CDH12: variants seen among roughly 807,000 people sequenced by gnomAD.
The protein encoded by CDH12 is cadherin-12.
A neutral mutation model predicts 74.1 loss-of-function variants in CDH12; 41 were observed. That is an observed-to-expected ratio of 0.55 (90% CI 0.43 to 0.72). The LOEUF is 0.72. Ranked by LOEUF, CDH12 falls within the 30% of genes least tolerant of loss-of-function variation. The pLI, the probability that CDH12 is intolerant of heterozygous loss-of-function variation, is 0.00. For missense variants in CDH12, 945 were observed against 977.2 expected (o/e 0.97, Z 0.44); for synonymous variants, 399 against 355.0 (o/e 1.12, Z -1.39).
intron 6 of CDH12, among the ~76,000 whole-genome samples, chr5:21,915,512 G>A (rs1321979038): frequency 1.3e-5 from 2 of 152,164 alleles, no homozygotes; most frequent in African/African-American, 4.8e-5. Flanking sequence ...ATTCATTTCT[G>A]ATAAGATTGG....
chr5:22,457,407 CTCTTCCTCT>C (rs1029706486), intron 2 of CDH12, among the ~76,000 whole-genome samples: 2 of 119,624 alleles, frequency 1.7e-5, no homozygotes, highest in African/African-American at 3.0e-5. Flanking sequence ...CTTCCTCTTC[CTCTTCCTCT>C]TCTTCTTCAT....
rs550188897 is a variant in CDH12 at position 22,817,190 on chromosome 5, G to A, written c.-523+35868C>T. On this transcript the variant is annotated intron_variant, in intron 1 of 14. Transcript: ENST00000382254. The stretch of plus-strand genomic sequence containing the variant: ...TGAAGCTCCTTTTGTCTCACTTTCC[G>A]TATCTAATCATCAAATTATTCAAAG... Among the ~76,000 whole-genome samples the A allele has an allele frequency of 8.6e-5, 13 of 151,968 alleles. No individual in the cohort carries two copies. The East Asian group carries it at 1.7e-3, about 20-fold the overall frequency.
intron 2 of CDH12, among the ~76,000 whole-genome samples, chr5:22,455,669 T>G (rs1046753713): frequency 6.6e-6 from 1 of 152,166 alleles, no homozygotes. Flanking sequence ...GATCAGCACA[T>G]AGATAGCACT....
chr5:22,133,561 C>G (rs1746290229), intron 4 of CDH12, among the ~76,000 whole-genome samples: 1 of 152,086 alleles, frequency 6.6e-6, no homozygotes, highest in Admixed American at 6.6e-5. Context: ...TAGTTTTTAA[C>G]TACCTCATGA....
intron 5 of CDH12, among the ~76,000 whole-genome samples, chr5:22,025,309 C>A (rs1393694346): frequency 6.6e-6 from 1 of 151,756 alleles, no homozygotes; most frequent in Non-Finnish European, 1.5e-5. Flanking sequence ...AGTTTTACAC[C>A]CAGTGTAATA....
chr5:22,156,398 T>A (rs1378462128), intron 4 of CDH12, among the ~76,000 whole-genome samples: 2 of 152,174 alleles, frequency 1.3e-5, no homozygotes, highest in African/African-American at 2.4e-5. Context: ...TTTTTATTAT[T>A]GAACAATGTT....
chr5:22,850,268 C>T (rs1219532924), intron 1 of CDH12, among the ~76,000 whole-genome samples: 1 of 152,008 alleles, frequency 6.6e-6, no homozygotes, highest in Non-Finnish European at 1.5e-5. Context: ...TTCACACACA[C>T]ACATTTTCCT....
intron 1 of CDH12, among the ~76,000 whole-genome samples, chr5:22,566,031 C>G (rs1739264596): frequency 6.6e-6 from 1 of 152,006 alleles, no homozygotes; most frequent in Non-Finnish European, 1.5e-5. Flanking sequence ...ATAATTTTCC[C>G]TATTTGTGAA....
At chr5:21,798,244 T>C (rs1746901538) in intron 10 of CDH12, among the ~76,000 whole-genome samples, 1 of 94,342 alleles carries the variant, frequency 1.1e-5, no homozygotes, top group Non-Finnish European at 2.4e-5. Context: ...TGAATGTATA[T>C]GTGGATGTGT....
At chr5:22,655,571 C>G (rs568144771) in intron 1 of CDH12, among the ~76,000 whole-genome samples, 1 of 152,276 alleles carries the variant, frequency 6.6e-6, no homozygotes, top group South Asian at 2.1e-4. Context: ...GAAGAAGGAC[C>G]TACAATTTTA....
At chr5:22,739,133 C>T (rs945516738) in intron 1 of CDH12, among the ~76,000 whole-genome samples, 6 of 151,774 alleles carry the variant, frequency 4.0e-5, no homozygotes, top group African/African-American at 9.7e-5. Context: ...AGGTAGTTAT[C>T]ATGTTAATTT....
At chr5:22,812,610 A>G (rs1749205017) in intron 1 of CDH12, among the ~76,000 whole-genome samples, 1 of 152,186 alleles carries the variant, frequency 6.6e-6, no homozygotes, top group African/African-American at 2.4e-5. Flanking sequence ...AAATCTGTGT[A>G]TATTCTCCAA....
chr5:22,655,775 C>T (rs1319352422), intron 1 of CDH12, among the ~76,000 whole-genome samples: 2 of 152,208 alleles, frequency 1.3e-5, no homozygotes, highest in African/African-American at 4.8e-5. Flanking sequence ...CAATTCCCTT[C>T]CTCCAGCCAC....
chr5:22,153,858 G>GTGTGTGTGTA (rs1747787347), intron 4 of CDH12, among the ~76,000 whole-genome samples: 9 of 103,260 alleles, frequency 8.7e-5, no homozygotes, highest in Non-Finnish European at 1.3e-4. Flanking sequence ...ATGTGTGTGT[G>GTGTGTGTGTA]TATATATATA....
At chr5:22,058,320 G>A (rs557117484) in intron 5 of CDH12, among the ~76,000 whole-genome samples, 1 of 152,210 alleles carries the variant, frequency 6.6e-6, no homozygotes, top group Admixed American at 6.5e-5. Flanking sequence ...GCCTCCCAAA[G>A]TGCTGGGATT....
chr5:22,326,448 G>T (rs1030203754), intron 3 of CDH12, among the ~76,000 whole-genome samples: 1 of 152,162 alleles, frequency 6.6e-6, no homozygotes, highest in Non-Finnish European at 1.5e-5. Flanking sequence ...TGTTAGTCGG[G>T]ATGGTCTTGA....
chr5:21,987,937 T>A (rs1288800883), intron 5 of CDH12, among the ~76,000 whole-genome samples: 1 of 151,836 alleles, frequency 6.6e-6, no homozygotes, highest in East Asian at 1.9e-4. Flanking sequence ...AAAATCTCCT[T>A]CACAAAGCCC....
At chr5:22,342,623 CT>C (rs1739909621) in intron 3 of CDH12, among the ~76,000 whole-genome samples, 2 of 102,520 alleles carry the variant, frequency 2.0e-5, no homozygotes, top group South Asian at 9.2e-4. Flanking sequence ...TCTTTCTTTC[CT>C]TTTCTATTTC....
At chr5:22,525,755 G>C (rs1333731873) in intron 1 of CDH12, among the ~76,000 whole-genome samples, 1 of 152,086 alleles carries the variant, frequency 6.6e-6, no homozygotes, top group Non-Finnish European at 1.5e-5. Context: ...GTAGGAAGGA[G>C]AAAAAATTGC....
Sources: gnomAD v4.1 joint callset for allele counts (sites outside exome capture counted in the v4.1 genomes callset) on GRCh38, gnomAD v4.1.1 for gene constraint, MANE v1.5 for transcripts, NCBI Gene and HGNC (gene_info 2026-07-23, HGNC 2026-07-21) for gene names.